CDH8: variants seen among roughly 807,000 people sequenced by gnomAD.
CDH8 encodes the protein cadherin-8.
A neutral mutation model predicts 68.1 loss-of-function variants in CDH8; 17 were observed. The ratio of observed to expected loss-of-function variants is 0.25; its 90% CI spans 0.17 to 0.37. CDH8 has a LOEUF of 0.37. Ranked by LOEUF, CDH8 falls within the 10% of genes least tolerant of loss-of-function variation. The pLI is 1.00. For missense variants in CDH8, 763 were observed against 999.3 expected (o/e 0.76, Z 3.19); for synonymous variants, 372 against 365.1 (o/e 1.02, Z -0.21).
intron 2 of CDH8, among the ~76,000 whole-genome samples, chr16:62,002,775 C>A (rs947297438): frequency 6.6e-6 from 1 of 152,084 alleles, no homozygotes; most frequent in Non-Finnish European, 1.5e-5. Flanking sequence ...CAAATTTGGC[C>A]GGGTGCGGTG....
At chr16:61,768,676 C>T (rs1189966856) in intron 8 of CDH8, among the ~76,000 whole-genome samples, 1 of 151,492 alleles carries the variant, frequency 6.6e-6, no homozygotes, top group African/African-American at 2.4e-5. Flanking sequence ...CAATGATCTG[C>T]ATTTTTTGAG....
chr16:62,023,478 G>A (rs1902122646), intron 1 of CDH8, among the ~76,000 whole-genome samples: 1 of 152,108 alleles, frequency 6.6e-6, no homozygotes, highest in South Asian at 2.1e-4. Flanking sequence ...CAATAGTGTG[G>A]TTCAGAAATA....
At chr16:61,852,889 CCTTCCATT>C (rs1447769321) in intron 4 of CDH8, among the ~76,000 whole-genome samples, 12 of 131,406 alleles carry the variant, frequency 9.1e-5, no homozygotes, top group East Asian at 6.7e-4. Context: ...TTCCTTCCTT[CCTTCCATT>C]CTTCCTTCCT....
At chr16:61,685,445 A>G (rs986574041) in intron 10 of CDH8, among the ~76,000 whole-genome samples, 1 of 152,062 alleles carries the variant, frequency 6.6e-6, no homozygotes, top group East Asian at 2.0e-4. Context: ...GAGTGCTGAG[A>G]GAGGAAACAG....
intron 3 of CDH8, among the ~76,000 whole-genome samples, chr16:61,876,557 C>T (rs1327305502): frequency 6.6e-6 from 1 of 152,096 alleles, no homozygotes; most frequent in Non-Finnish European, 1.5e-5. Context: ...TCTAAGCATG[C>T]TTTAATCCAT....
chr16:61,881,326 TGTCGGC>T (rs2143129339), intron 3 of CDH8, among the ~76,000 whole-genome samples: 1 of 152,292 alleles, frequency 6.6e-6, no homozygotes, highest in South Asian at 2.1e-4. Context: ...CTGTTTGAGG[TGTCGGC>T]CTGGAACTCA....
chr16:61,744,020 T>C (rs1342981348), intron 8 of CDH8, among the ~76,000 whole-genome samples: 1 of 152,184 alleles, frequency 6.6e-6, no homozygotes, highest in Admixed American at 6.6e-5. Context: ...GCTCAGAAGG[T>C]ATATACTGCA....
chr16:61,829,119 C>T (rs542559658), intron 4 of CDH8, among the ~76,000 whole-genome samples: 53 of 151,916 alleles, frequency 3.5e-4, no homozygotes, highest in African/African-American at 1.2e-3. Context: ...CACCAATATA[C>T]ATTAACCTAG....
At position 61,972,571 on chromosome 16, in the gene CDH8, G is replaced by GGGGGGTGT. The variant is rs369833002; in HGVS notation, c.252+48580_252+48581insACACCCCC. 3.2e-4 allele frequency among the ~76,000 whole-genome samples: 42 copies of GGGGGGTGT among 131,552 alleles called. 1 individual carries two copies. The South Asian group carries it at 6.3e-3, about 20-fold the overall frequency. 86.3% of individuals were successfully genotyped at this position (131,552 alleles called of 152,430 possible). ...TTTTTTTTTCTGGGAACACATTGTG[G>GGGGGGTGT]GTGTGTGTGTGTGTGTGTGTGTGTG... On this transcript the variant is annotated intron_variant, in intron 2 of 11. Transcript: ENST00000577390.
At chr16:61,717,390 C>A (rs1399682514) in intron 9 of CDH8, among the ~76,000 whole-genome samples, 2 of 151,442 alleles carry the variant, frequency 1.3e-5, no homozygotes, top group African/African-American at 2.4e-5. Context: ...ATTAAATAAA[C>A]GTTCTAAGAC....
intron 8 of CDH8, among the ~76,000 whole-genome samples, chr16:61,730,572 T>C (rs1356434573): frequency 2.6e-5 from 4 of 151,612 alleles, no homozygotes; most frequent in Non-Finnish European, 5.9e-5. Context: ...CCACTTTTTA[T>C]AGCTGTAAAG....
intron 8 of CDH8, among the ~76,000 whole-genome samples, chr16:61,782,398 C>A (rs1204447291): frequency 3.9e-5 from 6 of 151,948 alleles, no homozygotes; most frequent in Non-Finnish European, 7.4e-5. Context: ...AAAAACGGCG[C>A]ACCACGAGAC....
intron 2 of CDH8, among the ~76,000 whole-genome samples, chr16:61,934,629 A>G (rs909288770): frequency 2.0e-5 from 3 of 152,116 alleles, no homozygotes; most frequent in African/African-American, 7.2e-5. Flanking sequence ...TAATTAATGG[A>G]AGCTTAACTT....
chr16:61,815,733 G>C (rs1962058778), intron 7 of CDH8, among the ~76,000 whole-genome samples: 1 of 152,128 alleles, frequency 6.6e-6, no homozygotes. Context: ...TGGTGTCTCA[G>C]TTGAACCAAT....
chr16:61,931,868 G>A (rs1341447694), intron 2 of CDH8, among the ~76,000 whole-genome samples: 1 of 152,152 alleles, frequency 6.6e-6, no homozygotes, highest in African/African-American at 2.4e-5. Flanking sequence ...CATATACACA[G>A]ATCTAACGTA....
At chr16:61,839,674 C>CATT (rs1962642684) in intron 4 of CDH8, among the ~76,000 whole-genome samples, 2 of 152,114 alleles carry the variant, frequency 1.3e-5, no homozygotes, top group Admixed American at 6.6e-5. Context: ...TTCCACCTTC[C>CATT]TTAATTCCCC....
chr16:62,008,816 C>T (rs981812470), intron 2 of CDH8, among the ~76,000 whole-genome samples: 4 of 152,088 alleles, frequency 2.6e-5, no homozygotes, highest in African/African-American at 9.7e-5. Context: ...CCACTGCAAA[C>T]ATCTAATGAT....
At chr16:61,835,669 A>C (rs1962553933) in intron 4 of CDH8, among the ~76,000 whole-genome samples, 1 of 151,962 alleles carries the variant, frequency 6.6e-6, no homozygotes, top group Non-Finnish European at 1.5e-5. Context: ...TTCCAGGGAC[A>C]CTTCAATCAA....
intron 2 of CDH8, among the ~76,000 whole-genome samples, chr16:61,988,782 T>G (rs1479984788): frequency 6.6e-6 from 1 of 152,192 alleles, no homozygotes; most frequent in East Asian, 1.9e-4. Context: ...GAGACCATCA[T>G]TCATTGACAA....
Sources: allele counts gnomAD v4.1 joint callset (sites outside exome capture counted in the v4.1 genomes callset), GRCh38; gene constraint gnomAD v4.1.1; transcripts MANE v1.5; gene names NCBI Gene and HGNC (gene_info 2026-07-23, HGNC 2026-07-21).